Variants in GSE1 observed in about 807,000 individuals in gnomAD.
The protein encoded by GSE1 is genetic suppressor element 1.
Under a neutral mutation model 112.6 loss-of-function variants are expected in GSE1, and 32 were observed. That is an observed-to-expected ratio of 0.28 (90% CI 0.21 to 0.38). The LOEUF is 0.38. Among genes scored for constraint, GSE1 ranks in the 10% least tolerant of loss-of-function variants. The pLI is 1.00. For missense variants in GSE1, 2,348 were observed against 1,699.2 expected, an observed-to-expected ratio of 1.38 and a Z score of -6.71; for synonymous variants, 1,115 against 735.6, an observed-to-expected ratio of 1.52 and a Z score of -8.35.
chr16:85,516,872 A>C (rs994410264), intron 2 of GSE1, among the ~76,000 whole-genome samples: 2 of 142,632 alleles, frequency 1.4e-5, no homozygotes, highest in South Asian at 2.2e-4. Flanking sequence ...ATCTCCACTT[A>C]CTGCAAGCTC....
intron 1 of GSE1, among the ~76,000 whole-genome samples, chr16:85,268,911 C>G (rs866647183): frequency 7.9e-6 from 1 of 125,900 alleles, no homozygotes; most frequent in African/African-American, 2.5e-5. Flanking sequence ...TGAGGGGGGA[C>G]CAGGGGGCTA....
exon 1 of GSE1, chr16:85,169,987 G>A (rs1347284005): frequency 1.0e-5 from 10 of 984,538 alleles, no homozygotes; most frequent in Non-Finnish European, 1.2e-5. Context: ...CGACGAGGAC[G>A]ACGGTGGCGG....
chr16:85,400,706 G>C (rs1371219927), intron 2 of GSE1, among the ~76,000 whole-genome samples: 3 of 151,014 alleles, frequency 2.0e-5, no homozygotes, highest in African/African-American at 7.3e-5. Context: ...TGTATGTGTT[G>C]TATGTGTCTG....
At chr16:85,342,806 C>A (rs1278275462) in intron 1 of GSE1, among the ~76,000 whole-genome samples, 2 of 151,794 alleles carry the variant, frequency 1.3e-5, no homozygotes, top group Non-Finnish European at 2.9e-5. Context: ...GCACTGTGCT[C>A]CACAGGTGCC....
intron 1 of GSE1, among the ~76,000 whole-genome samples, chr16:85,585,486 G>A (rs889661611): frequency 3.4e-5 from 5 of 146,196 alleles, no homozygotes; most frequent in South Asian, 2.1e-4. Context: ...CCTCTGTGTC[G>A]CCTACGTTTC....
intron 2 of GSE1, among the ~76,000 whole-genome samples, chr16:85,358,324 T>A (rs1279066985): frequency 5.3e-5 from 8 of 152,092 alleles, no homozygotes; most frequent in Admixed American, 2.0e-4. Flanking sequence ...CTTGGACATG[T>A]GGTGACCCCC....
chr16:85,527,070 C>G (rs930302968), intron 2 of GSE1, among the ~76,000 whole-genome samples: 4 of 152,216 alleles, frequency 2.6e-5, no homozygotes, highest in African/African-American at 4.8e-5. Flanking sequence ...GTTCACCTCT[C>G]CGGTCAGGAT....
chr16:85,388,895 T>G (rs1355437283), intron 2 of GSE1, among the ~76,000 whole-genome samples: 3 of 152,108 alleles, frequency 2.0e-5, no homozygotes, highest in Non-Finnish European at 4.4e-5. Flanking sequence ...AGGTTGTGGT[T>G]AGATGGGGAA....
At chr16:85,453,082 G>A (rs1057099047) in intron 2 of GSE1, among the ~76,000 whole-genome samples, 3 of 152,216 alleles carry the variant, frequency 2.0e-5, no homozygotes, top group South Asian at 2.1e-4. Flanking sequence ...GATGAGTCAC[G>A]GAAGCTCCTG....
chr16:85,445,035 G>A (rs1032615498), intron 2 of GSE1, among the ~76,000 whole-genome samples: 2 of 152,236 alleles, frequency 1.3e-5, no homozygotes, highest in African/African-American at 4.8e-5. Context: ...GCCGCACGCA[G>A]GCAGGGGAGC....
At chr16:85,530,114 C>T (rs1389771622) in intron 2 of GSE1, among the ~76,000 whole-genome samples, 1 of 152,216 alleles carries the variant, frequency 6.6e-6, no homozygotes, top group Non-Finnish European at 1.5e-5. Context: ...TCTGGAAATC[C>T]GTGAGGGTAG....
At chr16:85,589,156 A>C (rs1296212806) in intron 1 of GSE1, among the ~76,000 whole-genome samples, 2 of 149,614 alleles carry the variant, frequency 1.3e-5, no homozygotes, top group African/African-American at 4.9e-5. Flanking sequence ...CCCCACCCCC[A>C]CCGGCTTCCT....
chr16:85,385,595 G>T (rs975104958), intron 2 of GSE1, among the ~76,000 whole-genome samples: 2 of 152,200 alleles, frequency 1.3e-5, no homozygotes, highest in Non-Finnish European at 2.9e-5. Context: ...TCTGCACCCA[G>T]CAAGTCCCGT....
intron 1 of GSE1, among the ~76,000 whole-genome samples, chr16:85,190,118 C>A (rs1223449387): frequency 6.6e-6 from 1 of 152,202 alleles, no homozygotes; most frequent in East Asian, 1.9e-4. Context: ...CTTCCCAAGC[C>A]TGATCTTCTC....
chr16:85,652,998 T>G (rs2051504272), intron 3 of GSE1, among the ~76,000 whole-genome samples: 1 of 151,214 alleles, frequency 6.6e-6, no homozygotes, highest in African/African-American at 2.4e-5. Flanking sequence ...CCTGGGAAGC[T>G]CAGAGGGGCC....
At chr16:85,275,894 C>T (rs1015900620) in intron 1 of GSE1, among the ~76,000 whole-genome samples, 3 of 152,258 alleles carry the variant, frequency 2.0e-5, no homozygotes, top group Admixed American at 1.3e-4. Context: ...CTCTCTGGCC[C>T]CGTTCACTTC....
rs570579441 is a variant in GSE1, at chr16:85,341,331, A to G, written c.2284-16132A>G. Among the ~76,000 whole-genome samples the G allele has an allele frequency of 3.3e-3, 505 of 152,296 alleles. 3 individuals are homozygous for G. The highest frequency in any genetic ancestry group is 3.1e-3 in the Non-Finnish European group (211 of 68,020). On this transcript the variant is annotated intron_variant, in intron 1 of 2. Transcript: ENST00000637419. The stretch of plus-strand genomic sequence containing the variant: ...CAGTCTCCTAATCAGCTGGGATCAC[A>G]GGCATGTGCTACCATGCTGAGCTAA...
chr16:85,433,043 A>G (rs59860293), intron 2 of GSE1, among the ~76,000 whole-genome samples: 8,722 of 151,690 alleles, frequency 0.057, 465 homozygotes, highest in East Asian at 0.31. Flanking sequence ...AGGTGATGAT[A>G]AGTCCCCCCC....
At chr16:85,641,311 C>T (rs971450310) in intron 2 of GSE1, among the ~76,000 whole-genome samples, 2 of 152,248 alleles carry the variant, frequency 1.3e-5, no homozygotes, top group African/African-American at 4.8e-5. Context: ...CATAATCCGC[C>T]CCCGGCAAAA....
Sources: gnomAD v4.1 joint callset for allele counts (sites outside exome capture counted in the v4.1 genomes callset) on GRCh38, gnomAD v4.1.1 for gene constraint, MANE v1.5 for transcripts, NCBI Gene and HGNC (gene_info 2026-07-23, HGNC 2026-07-21) for gene names.